CLIC4: variants seen among roughly 807,000 people sequenced by gnomAD.
CLIC4 encodes CLIC family member 4, also known as chloride intracellular channel protein 4.
A neutral mutation model predicts 24.6 loss-of-function variants in CLIC4; 13 were observed. The ratio of observed to expected loss-of-function variants is 0.53; its 90% CI spans 0.34 to 0.84. CLIC4 has a LOEUF of 0.84. CLIC4 is among the 40% of genes least tolerant of loss of function. CLIC4 has a pLI of 0.01. For missense variants in CLIC4, 227 were observed against 301.7 expected (o/e 0.75, Z 1.83); for synonymous variants, 104 against 111.3 (o/e 0.93, Z 0.41).
At chr1:24,825,929 A>G (rs376641952) in intron 3 of CLIC4, among the ~76,000 whole-genome samples, 46 of 152,320 alleles carry the variant, frequency 3.0e-4, no homozygotes, top group African/African-American at 1.1e-3. Context: ...TCCATTTTCT[A>G]GTGACGTTTT....
chr1:24,798,325 A>T (rs12095218), intron 2 of CLIC4, among the ~76,000 whole-genome samples: 4 of 152,174 alleles, frequency 2.6e-5, no homozygotes, highest in African/African-American at 9.7e-5. Context: ...TTTCTATAGC[A>T]TTTTAGCTAT....
chr1:24,809,142 A>C (rs1289161034), intron 2 of CLIC4, among the ~76,000 whole-genome samples: 1 of 152,242 alleles, frequency 6.6e-6, no homozygotes, highest in Non-Finnish European at 1.5e-5. Flanking sequence ...TTTGACTTTT[A>C]AAAGTCCTCT....
intron 4 of CLIC4, among the ~76,000 whole-genome samples, chr1:24,838,825 A>C (rs1464193991): frequency 1.3e-5 from 2 of 152,118 alleles, no homozygotes. Context: ...GCTCTGTCCC[A>C]CTTTAATGAA....
chr1:24,820,093 A>T (rs1479412359), intron 3 of CLIC4, among the ~76,000 whole-genome samples: 1 of 99,624 alleles, frequency 1.0e-5, no homozygotes, highest in African/African-American at 3.4e-5. Context: ...ATATATATAT[A>T]TATAGACAGT....
At chr1:24,760,362 AAAAAAAG>A (rs1463696285) in intron 1 of CLIC4, among the ~76,000 whole-genome samples, 1 of 152,178 alleles carries the variant, frequency 6.6e-6, no homozygotes, top group Non-Finnish European at 1.5e-5. Flanking sequence ...TCCATCTCAA[AAAAAAAG>A]AAAAAAGAAA....
intron 1 of CLIC4, among the ~76,000 whole-genome samples, chr1:24,783,744 A>G (rs1485536011): frequency 6.6e-6 from 1 of 152,228 alleles, no homozygotes; most frequent in Non-Finnish European, 1.5e-5. Flanking sequence ...CTTCTGAACC[A>G]GATATAACCA....
intron 1 of CLIC4, among the ~76,000 whole-genome samples, chr1:24,750,541 T>A (rs1030231430): frequency 2.6e-5 from 4 of 151,850 alleles, no homozygotes; most frequent in African/African-American, 7.3e-5. Context: ...AATTTTGTAT[T>A]TTTAGTAGAG....
At chr1:24,835,165 G>GGCTA (rs1639874409) in intron 4 of CLIC4, among the ~76,000 whole-genome samples, 1 of 152,200 alleles carries the variant, frequency 6.6e-6, no homozygotes, top group Admixed American at 6.5e-5. Flanking sequence ...CATTGGCTAT[G>GGCTA]GCTAGCATGA....
chr1:24,804,580 G>A (rs1446441245), intron 2 of CLIC4, among the ~76,000 whole-genome samples: 4 of 147,450 alleles, frequency 2.7e-5, no homozygotes, highest in African/African-American at 1.0e-4. Flanking sequence ...GGTGGGTGGG[G>A]ATGTGTGTGT....
intron 2 of CLIC4, among the ~76,000 whole-genome samples, chr1:24,807,111 G>C (rs1379481200): frequency 6.6e-6 from 1 of 151,790 alleles, no homozygotes; most frequent in African/African-American, 2.4e-5. Context: ...AACATAGCAA[G>C]AGAGAGAGAC....
rs756274713 is a variant in CLIC4 at position 24,797,722 on chromosome 1, T to A, written c.73-20T>A. The A allele has an allele frequency of 1.3e-6, 2 of 1,544,352 alleles. No homozygotes were observed. Among genetic ancestry groups the A allele is most frequent in the East Asian group, 2.3e-5 (1 of 44,294 alleles). ...ATCATCACTTTGACCTTGTTTTTAATGTTTAATTCTGTTTTCCAGGCTGGC... is the reference window on the plus strand; with the variant it reads ...ATCATCACTTTGACCTTGTTTTTAAAGTTTAATTCTGTTTTCCAGGCTGGC... On this transcript the variant is annotated intron_variant, in intron 1 of 5. Transcript: ENST00000374379.
intron 1 of CLIC4, among the ~76,000 whole-genome samples, chr1:24,788,410 T>C (rs1411069959): frequency 1.3e-5 from 2 of 152,212 alleles, no homozygotes; most frequent in African/African-American, 4.8e-5. Flanking sequence ...CTGTATGAAT[T>C]TGCCTATTTT....
In CLIC4 at chr1:24,797,792, C is replaced by T. The variant is rs747594259; in HGVS notation, c.123C>T (p.Leu41=). 3.1e-6 allele frequency: 5 copies of T among 1,613,530 alleles called. No individual in the cohort carries two copies. Among genetic ancestry groups the T allele is most frequent in the Non-Finnish European group, 4.2e-6 (5 of 1,179,846 alleles). ...GAAACTGCCCCTTTTCCCAGAGGCT[C>T]TTCATGATTCTTTGGCTCAAAGGAG... The part of the protein sequence containing the change: ...SIGNCPFSQR[L]FMILWLKGVV... The change falls in exon 2 of 6, where the codon CTC becomes CTT. Residue 41 remains leucine (L), a synonymous_variant. Transcript: ENST00000374379.
At chr1:24,796,040 C>T (rs1012807667) in intron 1 of CLIC4, among the ~76,000 whole-genome samples, 74 of 152,100 alleles carry the variant, frequency 4.9e-4, no homozygotes, top group Admixed American at 1.4e-3. Context: ...TTATGTACCC[C>T]CTAGGAATTA....
intron 1 of CLIC4, among the ~76,000 whole-genome samples, chr1:24,771,412 A>C (rs1236477501): frequency 6.6e-6 from 1 of 152,136 alleles, no homozygotes; most frequent in Non-Finnish European, 1.5e-5. Flanking sequence ...CTAGAATGTA[A>C]ATTCCAGGAG....
intron 4 of CLIC4, among the ~76,000 whole-genome samples, chr1:24,831,605 T>C (rs572791701): frequency 6.6e-5 from 10 of 152,186 alleles, no homozygotes; most frequent in South Asian, 2.1e-4. Context: ...TACTCTAATA[T>C]GTTCTTGTTC....
intron 2 of CLIC4, among the ~76,000 whole-genome samples, chr1:24,803,756 A>T (rs1447155886): frequency 6.6e-6 from 1 of 152,248 alleles, no homozygotes; most frequent in African/African-American, 2.4e-5. Context: ...ATCAGTTGGG[A>T]AACAACCATG....
chr1:24,755,702 A>T (rs1017075925), intron 1 of CLIC4, among the ~76,000 whole-genome samples: 1 of 149,986 alleles, frequency 6.7e-6, no homozygotes, highest in African/African-American at 2.4e-5. Context: ...AAACAAAATT[A>T]AAAAAAAAAT....
At chr1:24,778,683 A>G (rs1198294379) in intron 1 of CLIC4, among the ~76,000 whole-genome samples, 3 of 152,226 alleles carry the variant, frequency 2.0e-5, no homozygotes, top group Admixed American at 2.0e-4. Flanking sequence ...ATGATTTATT[A>G]GTTATTCTGA....
Sources: gnomAD v4.1 joint callset for allele counts (sites outside exome capture counted in the v4.1 genomes callset) on GRCh38, gnomAD v4.1.1 for gene constraint, MANE v1.5 for transcripts, NCBI Gene and HGNC (gene_info 2026-07-23, HGNC 2026-07-21) for gene names.